The following TNIK variants were observed in gnomAD, a reference collection of about 807,000 sequenced individuals.
TNIK encodes the protein TRAF2 and NCK interacting kinase.
In TNIK, 49 loss-of-function variants were observed where a neutral mutation model predicts 191.3. The observed-to-expected ratio is 0.26, with a 90% confidence interval of 0.20 to 0.32. The LOEUF is 0.32. Ranked by LOEUF, TNIK falls within the 10% of genes least tolerant of loss-of-function variation. TNIK has a pLI of 1.00. For missense variants in TNIK, 1,155 were observed against 1,702.3 expected (o/e 0.68, Z 5.66); for synonymous variants, 594 against 600.9 (o/e 0.99, Z 0.17).
chr3:171,215,577 T>C (rs1271735388), intron 3 of TNIK, among the ~76,000 whole-genome samples: 1 of 152,196 alleles, frequency 6.6e-6, no homozygotes. Flanking sequence ...GAAGGGCAAT[T>C]ATCCATGGTG....
chr3:171,139,587 G>A (rs778537369), intron 13 of TNIK, 31 bp from the exon 14 acceptor site: 3 of 1,605,950 alleles, frequency 1.9e-6, no homozygotes, highest in Non-Finnish European at 2.6e-6. Flanking sequence ...GAATTCAGAG[G>A]AACAGAAAGA....
chr3:171,148,795 T>G lies in TNIK; in HGVS notation c.1222-8286A>C, dbSNP rs191552030. On this transcript the variant is annotated intron_variant, in intron 12 of 32. Transcript: ENST00000436636. ...TTTTATTTGGCACAACCTGTATTAA[T>G]GCAGGGATATCACAAGAACTCGAAT... Among the ~76,000 whole-genome samples, 9 of 152,222 alleles carry G rather than the reference T, an allele frequency of 5.9e-5. No individual in the cohort carries two copies. In the South Asian group the frequency reaches 1.9e-3, roughly 32 times the overall value.
intron 1 of TNIK, among the ~76,000 whole-genome samples, chr3:171,400,511 G>A (rs1489688165): frequency 6.6e-6 from 1 of 151,856 alleles, no homozygotes; most frequent in Non-Finnish European, 1.5e-5. Context: ...CAAGGCTGCA[G>A]TGAGCCATAT....
At chr3:171,174,621 T>G (rs897236146) in intron 9 of TNIK, among the ~76,000 whole-genome samples, 16 of 68,314 alleles carry the variant, frequency 2.3e-4, no homozygotes, top group Non-Finnish European at 3.2e-4. Context: ...ATCAACATAA[T>G]TTTTGCCGTA....
intron 2 of TNIK, among the ~76,000 whole-genome samples, chr3:171,324,724 T>C (rs1433667161): frequency 6.6e-6 from 1 of 152,174 alleles, no homozygotes; most frequent in African/African-American, 2.4e-5. Context: ...TTGTTGTTTT[T>C]TACCCACACA....
intron 1 of TNIK, among the ~76,000 whole-genome samples, chr3:171,427,109 A>C (rs1014698896): frequency 1.3e-5 from 2 of 152,172 alleles, no homozygotes; most frequent in Non-Finnish European, 2.9e-5. Context: ...GTATTATTCT[A>C]GCTGGGCCGT....
intron 4 of TNIK, among the ~76,000 whole-genome samples, chr3:171,206,594 C>G (rs1160817139): frequency 2.6e-5 from 4 of 152,006 alleles, no homozygotes; most frequent in Non-Finnish European, 5.9e-5. Context: ...CAGTTTTTAA[C>G]AAAAACTTCC....
chr3:171,404,020 T>C (rs1388014967), intron 1 of TNIK, among the ~76,000 whole-genome samples: 1 of 152,154 alleles, frequency 6.6e-6, no homozygotes, highest in East Asian at 1.9e-4. Context: ...TCAGTGAAGA[T>C]AAGAGAAGTG....
chr3:171,171,343 C>T (rs1005382749), intron 9 of TNIK, among the ~76,000 whole-genome samples: 1 of 152,096 alleles, frequency 6.6e-6, no homozygotes, highest in Non-Finnish European at 1.5e-5. Context: ...GACAACCCAC[C>T]AAGAATCAGA....
At chr3:171,311,271 C>T (rs150356290) in intron 2 of TNIK, among the ~76,000 whole-genome samples, 8 of 151,396 alleles carry the variant, frequency 5.3e-5, no homozygotes, top group East Asian at 3.9e-4. Context: ...TAGTTTTGCG[C>T]GAAGTATTTG....
At chr3:171,128,902 A>T in intron 15 of TNIK, 24 bp from the exon 16 acceptor site, 6 of 1,514,794 alleles carry the variant, frequency 4.0e-6, no homozygotes, top group Non-Finnish European at 5.3e-6. Context: ...AAAAAAAAAA[A>T]AAAAAGACAG....
intron 2 of TNIK, among the ~76,000 whole-genome samples, chr3:171,256,212 T>TC (rs1478024673): frequency 6.6e-6 from 1 of 152,070 alleles, no homozygotes; most frequent in Admixed American, 6.5e-5. Context: ...GATGCCTACT[T>TC]CACTATGCAT....
chr3:171,229,367 C>A (rs1440644394), intron 2 of TNIK, among the ~76,000 whole-genome samples: 1 of 152,160 alleles, frequency 6.6e-6, no homozygotes, highest in African/African-American at 2.4e-5. Context: ...TAAGGGCCTC[C>A]CCCATAGATG....
chr3:171,248,841 TAA>T, intron 2 of TNIK, among the ~76,000 whole-genome samples: 1 of 150,924 alleles, frequency 6.6e-6, no homozygotes, highest in African/African-American at 2.5e-5. Flanking sequence ...ATGGCAAGGC[TAA>T]AGTTTCAATC....
At chr3:171,121,778 G>A (rs78832716) in intron 18 of TNIK, among the ~76,000 whole-genome samples, 1,716 of 152,188 alleles carry the variant, frequency 0.011, 31 homozygotes, top group African/African-American at 0.039. Flanking sequence ...ATCTAGAACC[G>A]CAAATCTGAT....
At chr3:171,416,363 A>C (rs1416025779) in intron 1 of TNIK, among the ~76,000 whole-genome samples, 1 of 152,128 alleles carries the variant, frequency 6.6e-6, no homozygotes, top group Non-Finnish European at 1.5e-5. Context: ...TCCGGAATGT[A>C]GGGCATTCTA....
intron 1 of TNIK, among the ~76,000 whole-genome samples, chr3:171,379,603 C>T (rs1250803821): frequency 6.6e-6 from 1 of 152,164 alleles, no homozygotes; most frequent in Non-Finnish European, 1.5e-5. Context: ...CTCCATAAGG[C>T]AAGTTAAGAA....
chr3:171,352,622 AC>A (rs1713392586), intron 2 of TNIK, among the ~76,000 whole-genome samples: 1 of 152,220 alleles, frequency 6.6e-6, no homozygotes, highest in African/African-American at 2.4e-5. Context: ...ACATGCAGGA[AC>A]CCTATTTAAG....
At chr3:171,379,102 C>T (rs1411285106) in intron 1 of TNIK, among the ~76,000 whole-genome samples, 4 of 152,084 alleles carry the variant, frequency 2.6e-5, no homozygotes, top group Admixed American at 2.0e-4. Context: ...AGATTTAGTG[C>T]ACATGGCCAG....
Sources: gnomAD v4.1 joint callset for allele counts (sites outside exome capture counted in the v4.1 genomes callset) on GRCh38, gnomAD v4.1.1 for gene constraint, MANE v1.5 for transcripts, NCBI Gene and HGNC (gene_info 2026-07-23, HGNC 2026-07-21) for gene names.